The following MCPH1 variants were observed in gnomAD, a reference collection of about 807,000 sequenced individuals.
MCPH1 encodes the protein microcephalin 1, also known as microcephalin.
A neutral mutation model predicts 84.5 loss-of-function variants in MCPH1; 104 were observed. The observed-to-expected ratio is 1.23, with a 90% CI of 1.05 to 1.45. The LOEUF is 1.45. Ranked by LOEUF, MCPH1 falls within the 40% of genes most tolerant of loss-of-function variation. MCPH1 has a pLI of 0.00. For missense variants in MCPH1, 1,498 were observed against 1,005.7 expected, an observed-to-expected ratio of 1.49 and a Z score of -6.62; for synonymous variants, 514 against 366.8, an observed-to-expected ratio of 1.40 and a Z score of -4.58.
At chr8:6,540,032 CTGG>C (rs1313602678) in intron 12 of MCPH1, among the ~76,000 whole-genome samples, 1 of 152,194 alleles carries the variant, frequency 6.6e-6, no homozygotes, top group African/African-American at 2.4e-5. Context: ...TGGGCCTCAG[CTGG>C]TGGCATTCTA....
intron 12 of MCPH1, among the ~76,000 whole-genome samples, chr8:6,545,269 A>T (rs942619982): frequency 6.6e-6 from 1 of 152,260 alleles, no homozygotes; most frequent in Admixed American, 6.5e-5. Context: ...GGTGCTGGTT[A>T]CATGAGTGAA....
At chr8:6,534,585 A>G (rs1231168041) in intron 12 of MCPH1, among the ~76,000 whole-genome samples, 2 of 152,230 alleles carry the variant, frequency 1.3e-5, no homozygotes, top group Non-Finnish European at 2.9e-5. Flanking sequence ...TTAGTTTTCC[A>G]TATGAACCAA....
At chr8:6,569,795 C>T (rs1237165964) in intron 12 of MCPH1, among the ~76,000 whole-genome samples, 1 of 152,186 alleles carries the variant, frequency 6.6e-6, no homozygotes, top group African/African-American at 2.4e-5. Context: ...TAGTACTGGC[C>T]GTCACCTCTG....
intron 12 of MCPH1, chr8:6,500,744 C>G (rs897337393): frequency 2.0e-5 from 3 of 152,184 alleles, no homozygotes; most frequent in African/African-American, 7.2e-5. Context: ...CTCAGCAAAA[C>G]TGTTTGTTTG....
At chr8:6,459,057 A>G (rs1000790696) in intron 9 of MCPH1, among the ~76,000 whole-genome samples, 1 of 152,252 alleles carries the variant, frequency 6.6e-6, no homozygotes, top group African/African-American at 2.4e-5. Context: ...CAGAAACACT[A>G]AAATTTAGTT....
intron 9 of MCPH1, among the ~76,000 whole-genome samples, chr8:6,464,732 T>C (rs1806662366): frequency 6.6e-6 from 1 of 152,214 alleles, no homozygotes; most frequent in African/African-American, 2.4e-5. Flanking sequence ...GTGTGGTGGC[T>C]CACGCCTATA....
At chr8:6,502,808 G>C in intron 12 of MCPH1, 1 of 397,116 alleles carries the variant, frequency 2.5e-6, no homozygotes, top group Non-Finnish European at 4.6e-6. Flanking sequence ...TCTTGGTTGT[G>C]ACAGCAGCGT....
At chr8:6,626,639 G>T (rs1563211303) in intron 13 of MCPH1, 2 of 984,846 alleles carry the variant, frequency 2.0e-6, no homozygotes, top group East Asian at 1.1e-4. Context: ...TTTGCTAATG[G>T]TTGCATTTTC....
At chr8:6,539,125 G>C (rs1415180693) in intron 12 of MCPH1, among the ~76,000 whole-genome samples, 1 of 152,188 alleles carries the variant, frequency 6.6e-6, no homozygotes, top group Non-Finnish European at 1.5e-5. Flanking sequence ...GCCTAAAGAG[G>C]GAAGGGCTGG....
rs568052111 is a variant in MCPH1 at position 6,509,801 on chromosome 8, G to A, written c.2214+9872G>A. 9.2e-5 allele frequency among the ~76,000 whole-genome samples: 14 copies of A among 152,218 alleles called. No individual in the cohort carries two copies. In the East Asian group the frequency reaches 1.5e-3, roughly 17 times the overall value. ...GCTCTAGCCTTCCTTAAATGTGCTC[G>A]GAACACTCACATTAGCCCACAGTCA... On this transcript the variant is annotated intron_variant, in intron 12 of 13. Coordinates refer to ENST00000344683, the MANE Select transcript of MCPH1 (RefSeq NM_024596.5).
intron 12 of MCPH1, among the ~76,000 whole-genome samples, chr8:6,576,838 G>A (rs933701518): frequency 3.3e-5 from 5 of 151,510 alleles, no homozygotes; most frequent in African/African-American, 1.2e-4. Context: ...GCTGGGAGAG[G>A]CACAGGCGTC....
At chr8:6,605,033 C>T (rs1211172215) in intron 12 of MCPH1, among the ~76,000 whole-genome samples, 2 of 152,086 alleles carry the variant, frequency 1.3e-5, no homozygotes, top group African/African-American at 4.8e-5. Context: ...CTAGAGAAGT[C>T]AGGTCACCCC....
chr8:6,410,628 C>G (rs943299278), intron 2 of MCPH1, among the ~76,000 whole-genome samples: 1 of 152,180 alleles, frequency 6.6e-6, no homozygotes, highest in Admixed American at 6.5e-5. Flanking sequence ...AAACCGATCA[C>G]TTTGATGACG....
rs767885170 is a variant in MCPH1, at chr8:6,436,150, A to G, written c.424A>G (p.Lys142Glu). 2 of 1,613,474 alleles carry G rather than the reference A, an allele frequency of 1.2e-6. No homozygotes were observed. Among genetic ancestry groups the G allele is most frequent in the Admixed American group, 1.7e-5 (1 of 59,998 alleles). The change falls in exon 5 of 14, where the codon AAA (lysine) becomes GAA (glutamate). Residue 142 changes from lysine to glutamate, a missense_variant. Coordinates refer to ENST00000344683, the MANE Select transcript of MCPH1 (RefSeq NM_024596.5). ...EKMAKELQRQKTNLDDDVPIL... is the reference protein window; with the variant it reads ...EKMAKELQRQETNLDDDVPIL... Reference sequence around the variant, plus strand: ...AATGGCTAAAGAGCTACAAAGGCAAAAAACAAATCTAGGTAAGCTAAGAAA... The same window carrying G: ...AATGGCTAAAGAGCTACAAAGGCAAGAAACAAATCTAGGTAAGCTAAGAAA...
In MCPH1 at chr8:6,562,867, C is replaced by G. The variant is rs1360452984; in HGVS notation, c.2215-58587C>G. 6 of 1,612,198 alleles carry G rather than the reference C, an allele frequency of 3.7e-6. No homozygotes were observed. The highest frequency in any genetic ancestry group is 3.3e-5 in the Admixed American group (2 of 59,962). On this transcript the variant is annotated intron_variant, in intron 12 of 13. Coordinates refer to ENST00000344683, the MANE Select transcript of MCPH1 (RefSeq NM_024596.5). ...CTTTCCTATGCTGTCCATGCTCTTC[C>G]GAAAGTTGTTATAGGCTGCGGCCAA... is the stretch of plus-strand genomic sequence containing the variant.
chr8:6,524,405 C>T (rs568683944), intron 12 of MCPH1, among the ~76,000 whole-genome samples: 1 of 152,290 alleles, frequency 6.6e-6, no homozygotes, highest in Non-Finnish European at 1.5e-5. Flanking sequence ...ATTATTTTCC[C>T]ACCTGCTTGA....
chr8:6,488,600 A>T (rs1354622497), intron 11 of MCPH1, among the ~76,000 whole-genome samples: 1 of 152,176 alleles, frequency 6.6e-6, no homozygotes, highest in Admixed American at 6.5e-5. Flanking sequence ...TGGCACAGAA[A>T]AGGCAGTGCC....
chr8:6,626,466 T>G, intron 13 of MCPH1: 2 of 966,296 alleles, frequency 2.1e-6, no homozygotes, highest in Non-Finnish European at 1.2e-6. Flanking sequence ...GTTTGGTTTT[T>G]TTGTTTTGTT....
intron 12 of MCPH1, chr8:6,621,178 G>GT: frequency 2.1e-6 from 1 of 483,142 alleles, no homozygotes; most frequent in South Asian, 2.1e-5. Flanking sequence ...TCAATATTTT[G>GT]TTTGAGGCTT....
Sources: allele counts gnomAD v4.1 joint callset (sites outside exome capture counted in the v4.1 genomes callset), GRCh38; gene constraint gnomAD v4.1.1; transcripts MANE v1.5; gene names NCBI Gene and HGNC (gene_info 2026-07-23, HGNC 2026-07-21).